Variants in GAS6 observed in about 807,000 individuals in gnomAD.
GAS6 encodes growth arrest specific 6.
GAS6 carries 41 observed loss-of-function variants against 75.8 expected under a neutral mutation model. The ratio of observed to expected loss-of-function variants is 0.54; its 90% CI spans 0.42 to 0.70. The LOEUF is 0.70. Among genes scored for constraint, GAS6 ranks in the 30% least tolerant of loss-of-function variants. The pLI, the probability that GAS6 is intolerant of heterozygous loss-of-function variation, is 0.00. For synonymous variants in GAS6, 432 were observed against 412.6 expected (o/e 1.05, Z -0.57); for missense variants, 854 against 940.2 (o/e 0.91, Z 1.20).
intron 9 of GAS6, 73 bp from the exon 10 acceptor site, chr13:113,832,561 C>G: frequency 6.2e-7 from 1 of 1,601,810 alleles, no homozygotes; most frequent in Non-Finnish European, 8.5e-7. Flanking sequence ...CTGGCCGAAC[C>G]CTGGCCCGGG....
Position 113,848,733 on chromosome 13 carries a change from G to A in GAS6, c.256-683C>T, listed in dbSNP as rs2051852125. ...TTTGGCCCTAAATGCTCTAAACCAAGAGACCACAGTCATGGCAGAATAGTC... is the reference window on the plus strand; with the variant it reads ...TTTGGCCCTAAATGCTCTAAACCAAAAGACCACAGTCATGGCAGAATAGTC... On this transcript the variant is annotated intron_variant, in intron 2 of 14. Transcript: ENST00000327773. This position sits in a 1 kb window ranked among gnomAD's most constrained non-coding sequence, Gnocchi z 4.8. 6.6e-6 allele frequency among the ~76,000 whole-genome samples: 1 copy of A among 152,224 alleles called. No homozygotes were observed. The highest frequency in any genetic ancestry group is 2.1e-4 in the South Asian group (1 of 4,836).
chr13:113,860,921 CA>C (rs1296984811), intron 2 of GAS6, among the ~76,000 whole-genome samples: 1 of 152,130 alleles, frequency 6.6e-6, no homozygotes, highest in Non-Finnish European at 1.5e-5. Context: ...ACTTCCCTCA[CA>C]ACCAGGAAGC....
intron 9 of GAS6, 39 bp downstream of exon 9, chr13:113,832,595 C>A (rs1267213856): frequency 6.2e-7 from 1 of 1,611,224 alleles, no homozygotes; most frequent in East Asian, 2.2e-5. Flanking sequence ...GTGTCTTGGC[C>A]ATTCTAAGTT....
intron 5 of GAS6, 179 bp from the exon 6 acceptor site, chr13:113,838,370 G>C: frequency 1.4e-6 from 1 of 698,622 alleles, no homozygotes; most frequent in Non-Finnish European, 2.3e-6. Context: ...CTGGAGCAGG[G>C]AGGGAGACCA....
intron 8 of GAS6, among the ~76,000 whole-genome samples, chr13:113,834,256 C>T (rs904495097): frequency 2.0e-5 from 3 of 151,832 alleles, no homozygotes; most frequent in South Asian, 2.1e-4. Flanking sequence ...AGGTCGGTCA[C>T]GTTGGCTCCC....
intron 2 of GAS6, among the ~76,000 whole-genome samples, chr13:113,851,827 G>C (rs1242896438): frequency 1.3e-5 from 2 of 152,222 alleles, no homozygotes; most frequent in East Asian, 3.8e-4. Context: ...TAATAATATG[G>C]AAGTGTTTGT....
intron 8 of GAS6, among the ~76,000 whole-genome samples, chr13:113,834,036 G>T (rs958349252): frequency 1.4e-5 from 2 of 146,932 alleles, no homozygotes; most frequent in Non-Finnish European, 3.0e-5. Flanking sequence ...TGACAGGTAG[G>T]TCATGCTGTG....
At position 113,863,523 on chromosome 13, in the gene GAS6, G is replaced by A; in HGVS notation, c.255+52C>T. ...CAGCGCTGCCTCTCGGGAGCGGTTG[G>A]AGGCGCGCGGGCGCCAGGGGTTCCC... On this transcript the variant is annotated intron_variant, in intron 2 of 14. Coordinates refer to ENST00000327773, the MANE Select transcript of GAS6 (RefSeq NM_000820.4). This position sits in a 1 kb window ranked among gnomAD's most constrained non-coding sequence, Gnocchi z 9.4. The A allele has an allele frequency of 1.4e-6, 2 of 1,472,928 alleles. No individual in the cohort carries two copies. Among genetic ancestry groups the A allele is most frequent in the Non-Finnish European group, 1.8e-6 (2 of 1,118,124 alleles). 91.2% of individuals were successfully genotyped at this position (1,472,928 alleles called of 1,614,324 possible).
In GAS6 at chr13:113,859,513, T is replaced by TGC. The variant is rs554435006; in HGVS notation, c.255+4060_255+4061dup. ...GTACATGTCTGTTAGTATGTGTGTG[T>TGC]GCCTGTTTATGTGTGTGCATGTCTG... is the stretch of plus-strand genomic sequence containing the variant. On this transcript the variant is annotated intron_variant, in intron 2 of 14. Transcript: ENST00000327773. 1.3e-4 allele frequency among the ~76,000 whole-genome samples: 20 copies of TGC among 152,132 alleles called. No individual in the cohort carries two copies. The South Asian group carries it at 4.2e-3, about 32-fold the overall frequency.
intron 5 of GAS6, 21 bp downstream of exon 5, chr13:113,839,707 T>C (rs754631669): frequency 9.9e-6 from 16 of 1,611,494 alleles, no homozygotes; most frequent in East Asian, 8.9e-5. Context: ...AGACCCCGCC[T>C]TTGTCTTCAG....
intron 2 of GAS6, among the ~76,000 whole-genome samples, chr13:113,851,953 G>A (rs571272334): frequency 6.6e-6 from 1 of 152,304 alleles, no homozygotes; most frequent in Admixed American, 6.5e-5. Flanking sequence ...CCCACTGCAC[G>A]GAGGATGCAG....
At chr13:113,828,178 G>A (rs2051577589) in intron 11 of GAS6, among the ~76,000 whole-genome samples, 1 of 152,084 alleles carries the variant, frequency 6.6e-6, no homozygotes, top group Admixed American at 6.5e-5. Context: ...GCAGGAGAAT[G>A]GCGTGAACCC....
chr13:113,828,756 T>C (rs1326546369), intron 10 of GAS6, 45 bp from the exon 11 acceptor site: 3 of 1,590,350 alleles, frequency 1.9e-6, no homozygotes, highest in Non-Finnish European at 2.6e-6. Flanking sequence ...GTGCACGTTC[T>C]GAAGGGGCTC....
chr13:113,834,669 A>T lies in GAS6; in HGVS notation c.716T>A (p.Val239Glu). 1 of 1,565,210 alleles carries T rather than the reference A, an allele frequency of 6.4e-7. No individual in the cohort carries two copies. The highest frequency in any genetic ancestry group is 8.7e-7 in the Non-Finnish European group (1 of 1,153,120). Residue 239 changes from valine to glutamate, a missense_variant, in exon 8 of 15, where the codon GTG (valine) becomes GAG (glutamate). Val to Glu is a moderately radical substitution (Grantham distance 121). Transcript: ENST00000327773. ...YSSQEKACRDVDECLQGRCEQ... is the reference protein window; with the variant it reads ...YSSQEKACRDEDECLQGRCEQ... ...ACAGCGGCCCTGCAGACACTCGTCCACATCTGCCAGCCAGAGGGAAGCGGC... is the reference window on the plus strand; with the variant it reads ...ACAGCGGCCCTGCAGACACTCGTCCTCATCTGCCAGCCAGAGGGAAGCGGC...
intron 6 of GAS6, among the ~76,000 whole-genome samples, chr13:113,836,913 GTGGGGAGGAAGAGGAAGA>G (rs1397536160): frequency 3.3e-5 from 4 of 121,414 alleles, no homozygotes; most frequent in Non-Finnish European, 7.2e-5. Context: ...AGGGGGAATG[GTGGGGAGGAAGAGGAAGA>G]TGGGGAGGAG....
intron 10 of GAS6, among the ~76,000 whole-genome samples, chr13:113,831,824 C>A (rs1196458926): frequency 5.5e-5 from 1 of 18,348 alleles, no homozygotes; most frequent in Non-Finnish European, 1.1e-4. Context: ...GGGCAGGGGT[C>A]CCCGTCCCCC....
rs1372979156 is a variant in GAS6 at position 113,846,513 on chromosome 13, G to A, written c.343+14C>T. On this transcript the variant is annotated intron_variant, in intron 4 of 14. Transcript: ENST00000327773. ...CACAGTGCTCCCAGGAAGGCGCAAA[G>A]GAGGCCGACTTACTTTGCACGCAGG... is the stretch of plus-strand genomic sequence containing the variant. The A allele has an allele frequency of 1.2e-6, 2 of 1,613,656 alleles. No homozygotes were observed. Among genetic ancestry groups the A allele is most frequent in the Non-Finnish European group, 1.7e-6 (2 of 1,179,648 alleles).
intron 2 of GAS6, among the ~76,000 whole-genome samples, chr13:113,856,659 T>G (rs961245108): frequency 6.6e-6 from 1 of 152,216 alleles, no homozygotes; most frequent in South Asian, 2.1e-4. Context: ...AAAGCCAGCC[T>G]GCCCGTAAAC....
intron 2 of GAS6, among the ~76,000 whole-genome samples, chr13:113,857,318 GTTCT>G (rs2051922868): frequency 6.6e-6 from 1 of 152,136 alleles, no homozygotes; most frequent in Non-Finnish European, 1.5e-5. Context: ...AACTGATACT[GTTCT>G]TAACTTATTC....
Sources: allele counts gnomAD v4.1 joint callset (sites outside exome capture counted in the v4.1 genomes callset), GRCh38; gene constraint gnomAD v4.1.1; non-coding constraint Gnocchi (gnomAD v3.1); transcripts MANE v1.5; gene names NCBI Gene and HGNC (gene_info 2026-07-23, HGNC 2026-07-21).